The following DPM1 variants were observed in gnomAD, a reference collection of about 807,000 sequenced individuals.
DPM1 encodes dolichol-phosphate mannosyltransferase subunit 1.
DPM1 carries 27 observed loss-of-function variants against 39.0 expected under a neutral mutation model. The ratio of observed to expected loss-of-function variants is 0.69; its 90% CI spans 0.51 to 0.95. DPM1 has a LOEUF of 0.95. Among genes scored for constraint, DPM1 ranks in the 40% least tolerant of loss-of-function variants. The probability of loss-of-function intolerance (pLI) is 0.00; values close to 1 mark genes in which losing one functional copy is unlikely to be tolerated. For missense variants in DPM1, 307 were observed against 315.6 expected (o/e 0.97, Z 0.21); for synonymous variants, 124 against 109.0 (o/e 1.14, Z -0.86).
chr20:50,958,564 G>A (rs1188839823), upstream of DPM1: 1 of 1,612,128 alleles, frequency 6.2e-7, no homozygotes, highest in Admixed American at 1.7e-5. Flanking sequence ...ATTACGTAAT[G>A]TGGCGCGGAA....
chr20:50,943,969 T>C (rs1416109502), intron 5 of DPM1, among the ~76,000 whole-genome samples: 1 of 152,110 alleles, frequency 6.6e-6, no homozygotes, highest in Non-Finnish European at 1.5e-5. Context: ...CTCGATCTCC[T>C]GACCTCGTGA....
intron 3 of DPM1, among the ~76,000 whole-genome samples, chr20:50,946,181 A>G (rs542191473): frequency 1.3e-5 from 2 of 152,344 alleles, no homozygotes; most frequent in African/African-American, 2.4e-5. Flanking sequence ...TATAGCAAAG[A>G]AATAGTTTAT....
Position 50,945,894 on chromosome 20 carries a change from C to T in DPM1, c.325G>A (p.Ala109Thr). 1 of 1,613,620 alleles carries T rather than the reference C, an allele frequency of 6.2e-7. No homozygotes were observed. Among genetic ancestry groups the T allele is most frequent in the Non-Finnish European group, 8.5e-7 (1 of 1,179,764 alleles). The change falls in exon 4 of 9, where the codon GCC becomes ACC. Residue 109 changes from alanine to threonine, a missense_variant. Physicochemically the swap from Ala to Thr is moderately conservative, Grantham distance 58 (BLOSUM62 0). Transcript: ENST00000371588. ...ATAATAATGATGTAGTTTCCTGTGG[C>T]ATGTTTCATTCCATGAATATATGCA... The part of the protein sequence containing the change: ...GTAYIHGMKH[A>T]TGNYIIIMDA...
intron 7 of DPM1, among the ~76,000 whole-genome samples, chr20:50,939,474 C>G (rs1248551448): frequency 2.0e-5 from 3 of 149,648 alleles, no homozygotes; most frequent in Non-Finnish European, 3.0e-5. Context: ...GCTTAGACTA[C>G]AGGCCCACCA....
At chr20:50,958,327 A>G in intron 1 of DPM1, 36 bp downstream of exon 1, 1 of 1,609,458 alleles carries the variant, frequency 6.2e-7, no homozygotes, top group Non-Finnish European at 8.5e-7. Context: ...AAGCCAGCTC[A>G]TCTCATTCTT....
chr20:50,945,772 G>T lies in DPM1; in HGVS notation c.373-10C>A. 1 of 1,604,820 alleles carries T rather than the reference G, an allele frequency of 6.2e-7. No individual in the cohort carries two copies. Among genetic ancestry groups the T allele is most frequent in the Non-Finnish European group, 8.5e-7 (1 of 1,172,220 alleles). On this transcript the variant is annotated splice_polypyrimidine_tract_variant and intron_variant, in intron 4 of 8. Coordinates refer to ENST00000371588, the MANE Select transcript of DPM1 (RefSeq NM_003859.3). The stretch of plus-strand genomic sequence containing the variant: ...CAGGAATAAATTTTGGCTGAAATTT[G>T]AAAAGAATAAACAGTAAGTCAGTAA...
In DPM1 at chr20:50,942,099, A is replaced by G; in HGVS notation, c.426T>C (p.Ile142=). 6.2e-7 allele frequency: 1 copy of G among 1,614,144 alleles called. No individual in the cohort carries two copies. Among genetic ancestry groups the G allele is most frequent in the Non-Finnish European group, 8.5e-7 (1 of 1,180,024 alleles). The change falls in exon 6 of 9, where the codon ATT becomes ATC. Residue 142 remains isoleucine, a synonymous_variant. Coordinates refer to ENST00000371588, the MANE Select transcript of DPM1 (RefSeq NM_003859.3). Reference sequence around the variant, plus strand: ...TTCCTTTGTAGCGAGTTCCAGAGACAATATCAAAATTACCCTCCTTTTGCT... The same window carrying G: ...TTCCTTTGTAGCGAGTTCCAGAGACGATATCAAAATTACCCTCCTTTTGCT... ...IRKQKEGNFD[I]VSGTRYKGNG... is the part of the protein sequence containing the mutation.
At chr20:50,943,995 C>A (rs1190705251) in intron 5 of DPM1, among the ~76,000 whole-genome samples, 2 of 152,190 alleles carry the variant, frequency 1.3e-5, no homozygotes, top group Non-Finnish European at 2.9e-5. Context: ...CCGCCTCGGC[C>A]CCCCAAAGTG....
chr20:50,941,359 A>ATATT (rs56716080), intron 6 of DPM1: 6,638 of 140,262 alleles, frequency 0.047, 482 homozygotes, highest in African/African-American at 0.17. Context: ...ATATTCATAT[A>ATATT]CATATATATT....
At chr20:50,944,301 G>A (rs888147904) in intron 5 of DPM1, 2 of 152,074 alleles carry the variant, frequency 1.3e-5, no homozygotes, top group Admixed American at 6.5e-5. Context: ...TTAGCCATTT[G>A]GATTTCTTCT....
intron 2 of DPM1, among the ~76,000 whole-genome samples, chr20:50,949,316 T>C (rs1035291805): frequency 1.3e-5 from 2 of 152,220 alleles, no homozygotes; most frequent in African/African-American, 4.8e-5. Context: ...ACTTACTTCA[T>C]TATTTTGCAC....
At chr20:50,950,511 T>C (rs948852976) in intron 2 of DPM1, among the ~76,000 whole-genome samples, 4 of 152,146 alleles carry the variant, frequency 2.6e-5, no homozygotes, top group African/African-American at 7.2e-5. Flanking sequence ...AAAAAGCAAA[T>C]TTTTTAAAGC....
In DPM1 at chr20:50,958,488, C is replaced by A. The variant is rs1317881410; in HGVS notation, c.36G>T (p.Arg12Ser). ...TGCGCACTTCCAGCTCCCGCCGAGA[C>A]CTGCGAGGACTACGACTGACTTCCA... is the stretch of plus-strand genomic sequence containing the variant. ...ASLEVSRSPRRSRRELEVRSP... is the reference protein window; with the variant it reads ...ASLEVSRSPRSSRRELEVRSP... The change falls in exon 1 of 9, where the codon AGG (arginine) becomes AGT (serine). Residue 12 changes from arginine to serine, a missense_variant. By Grantham distance (110) the Arg-to-Ser change is moderately radical. Around this residue, in one of 3 missense-constraint regions of DPM1, gnomAD observed 206 missense variants for 188.2 expected, o/e 1.09. Transcript: ENST00000371588. 2.5e-6 allele frequency: 4 copies of A among 1,613,816 alleles called. No individual in the cohort carries two copies. Among genetic ancestry groups the A allele is most frequent in the Admixed American group, 1.7e-5 (1 of 60,000 alleles).
At chr20:50,937,941 A>T (rs1363315824) in intron 7 of DPM1, among the ~76,000 whole-genome samples, 1 of 152,138 alleles carries the variant, frequency 6.6e-6, no homozygotes, top group Non-Finnish European at 1.5e-5. Flanking sequence ...GCCTCCCAAA[A>T]GTGCTGGGAT....
chr20:50,941,091 C>A, intron 6 of DPM1, 158 bp from the exon 7 acceptor site: 1 of 854,034 alleles, frequency 1.2e-6, no homozygotes, highest in South Asian at 1.7e-5. Flanking sequence ...AATTTTTAGT[C>A]AATGAAAGGA....
chr20:50,947,038 G>A (rs1478971595), intron 3 of DPM1, among the ~76,000 whole-genome samples: 5 of 152,150 alleles, frequency 3.3e-5, no homozygotes, highest in African/African-American at 7.2e-5. Context: ...GAGAAACCCC[G>A]TCTCTACCAA....
In DPM1 at chr20:50,945,941, TC is replaced by T. The variant is rs747889783; in HGVS notation, c.296-19del. 20 of 1,603,172 alleles carry T rather than the reference TC, an allele frequency of 1.2e-5. No homozygotes were observed. The highest frequency in any genetic ancestry group is 1.5e-5 in the Non-Finnish European group (18 of 1,170,964). On this transcript the variant is annotated intron_variant, in intron 3 of 8. Transcript: ENST00000371588. ...TGCAGTTCCTAAAAATGAAAGTAGA[TC>T]CATTCAAGAAAATCAACAGAAATCT...
chr20:50,949,081 G>A (rs1219151529), intron 2 of DPM1, among the ~76,000 whole-genome samples: 6 of 151,986 alleles, frequency 3.9e-5, no homozygotes, highest in South Asian at 2.1e-4. Context: ...GGATGGTCTC[G>A]ATCTCCTGAC....
chr20:50,954,847 C>T (rs187122805), intron 2 of DPM1, among the ~76,000 whole-genome samples: 2 of 152,318 alleles, frequency 1.3e-5, no homozygotes, highest in African/African-American at 4.8e-5. Context: ...GATTAAGACA[C>T]ACACACACTA....
Sources: gnomAD v4.1 joint callset for allele counts (sites outside exome capture counted in the v4.1 genomes callset) on GRCh38, gnomAD v4.1.1 for gene constraint, gnomAD v4.1.1 regional missense constraint, MANE v1.5 for transcripts, NCBI Gene and HGNC (gene_info 2026-07-23, HGNC 2026-07-21) for gene names.